The following CADPS2 variants were observed in gnomAD, a reference collection of about 807,000 sequenced individuals.
CADPS2 encodes calcium-dependent secretion activator 2.
A neutral mutation model predicts 172.5 loss-of-function variants in CADPS2; 93 were observed. The ratio of observed to expected loss-of-function variants is 0.54; its 90% confidence interval spans 0.46 to 0.64. CADPS2 has a LOEUF of 0.64. Among genes scored for constraint, CADPS2 ranks in the 30% least tolerant of loss-of-function variants. CADPS2 has a pLI of 0.00. For synonymous variants in CADPS2, 546 were observed against 555.2 expected (o/e 0.98, Z 0.23); for missense variants, 1,420 against 1,565.9 (o/e 0.91, Z 1.57).
intron 1 of CADPS2, among the ~76,000 whole-genome samples, chr7:122,754,327 T>A (rs2093070102): frequency 6.6e-6 from 1 of 152,194 alleles, no homozygotes. Context: ...TTAACCAAAG[T>A]GTGACTCTTG....
At chr7:122,791,331 T>TAC (rs1175089130) in intron 1 of CADPS2, among the ~76,000 whole-genome samples, 4 of 152,036 alleles carry the variant, frequency 2.6e-5, no homozygotes, top group Non-Finnish European at 4.4e-5. Flanking sequence ...TTTTGAAAGA[T>TAC]ACACACACAC....
At chr7:122,333,011 C>A (rs924161354) in intron 28 of CADPS2, among the ~76,000 whole-genome samples, 2 of 152,120 alleles carry the variant, frequency 1.3e-5, no homozygotes, top group African/African-American at 4.8e-5. Context: ...TTCTTAGTGT[C>A]CTTGATGGGA....
chr7:122,841,870 C>T (rs1810625095), intron 1 of CADPS2, among the ~76,000 whole-genome samples: 1 of 152,094 alleles, frequency 6.6e-6, no homozygotes, highest in Admixed American at 6.6e-5. Context: ...CAGAATTTTC[C>T]ACTCTAAGGA....
rs539617142 is a variant in CADPS2 at position 122,543,241 on chromosome 7, T to A, written c.1475+11309A>T. Among the ~76,000 whole-genome samples the A allele has an allele frequency of 8.5e-5, 13 of 152,228 alleles. 1 individual carries two copies. In the South Asian group the frequency reaches 2.1e-3, roughly 24 times the overall value. ...AGTACACTACACTTTTTACATATGATTATGCTGTGTTTTGCCAGCTTAAAC... is the reference window on the plus strand; with the variant it reads ...AGTACACTACACTTTTTACATATGAATATGCTGTGTTTTGCCAGCTTAAAC... On this transcript the variant is annotated intron_variant, in intron 8 of 29. Coordinates refer to ENST00000449022, the MANE Select transcript of CADPS2 (RefSeq NM_017954.11).
At chr7:122,583,073 T>C (rs1379272989) in intron 6 of CADPS2, among the ~76,000 whole-genome samples, 2 of 151,600 alleles carry the variant, frequency 1.3e-5, no homozygotes, top group Admixed American at 1.3e-4. Flanking sequence ...CAAATAACAA[T>C]GAATGCGGAG....
chr7:122,746,389 C>A (rs1490006655), intron 1 of CADPS2, among the ~76,000 whole-genome samples: 1 of 152,064 alleles, frequency 6.6e-6, no homozygotes, highest in Non-Finnish European at 1.5e-5. Flanking sequence ...TAAAAAAATA[C>A]CTGCCAACCC....
intron 24 of CADPS2, among the ~76,000 whole-genome samples, chr7:122,381,823 A>G (rs1357073826): frequency 6.6e-6 from 1 of 152,182 alleles, no homozygotes; most frequent in Non-Finnish European, 1.5e-5. Flanking sequence ...TTAAAAACAA[A>G]GGAATAAAGA....
chr7:122,833,591 T>A (rs1053310779), intron 1 of CADPS2, among the ~76,000 whole-genome samples: 1 of 152,058 alleles, frequency 6.6e-6, no homozygotes, highest in Non-Finnish European at 1.5e-5. Context: ...AGATGGGGTT[T>A]CACCATGTTG....
chr7:122,351,109 T>C (rs2038495081), intron 27 of CADPS2, among the ~76,000 whole-genome samples: 1 of 151,944 alleles, frequency 6.6e-6, no homozygotes, highest in African/African-American at 2.4e-5. Context: ...TTCATGCCTG[T>C]AATCCCAGCA....
intron 7 of CADPS2, among the ~76,000 whole-genome samples, chr7:122,564,847 G>GCGCGCACACA (rs1554626210): frequency 2.1e-5 from 3 of 145,420 alleles, no homozygotes; most frequent in African/African-American, 7.5e-5. Context: ...ACACACACAT[G>GCGCGCACACA]CACACACACA....
intron 7 of CADPS2, among the ~76,000 whole-genome samples, chr7:122,557,653 G>T (rs1393844387): frequency 6.6e-6 from 1 of 152,128 alleles, no homozygotes; most frequent in African/African-American, 2.4e-5. Context: ...AAATGAAATA[G>T]GACTTTGGGC....
intron 6 of CADPS2, among the ~76,000 whole-genome samples, chr7:122,606,372 T>C (rs1265043615): frequency 1.3e-5 from 2 of 152,148 alleles, no homozygotes; most frequent in African/African-American, 2.4e-5. Context: ...ATTAAAAATA[T>C]ACATGTGCCT....
chr7:122,810,858 T>G (rs982876874), intron 1 of CADPS2, among the ~76,000 whole-genome samples: 3 of 152,138 alleles, frequency 2.0e-5, no homozygotes, highest in Admixed American at 2.0e-4. Context: ...CCTCTCAAAG[T>G]TCTGGGATTA....
chr7:122,345,916 A>AACTTTT (rs1554445655), intron 27 of CADPS2, among the ~76,000 whole-genome samples: 1 of 53,584 alleles, frequency 1.9e-5, no homozygotes, highest in East Asian at 2.7e-3. Context: ...ATCCGTAGAT[A>AACTTTT]TCTTTTTTTT....
At chr7:122,821,493 CCT>C (rs1217640157) in intron 1 of CADPS2, among the ~76,000 whole-genome samples, 2 of 152,116 alleles carry the variant, frequency 1.3e-5, no homozygotes. Context: ...CTCAACATGC[CCT>C]GAGTCAGGTA....
chr7:122,414,045 A>G, intron 19 of CADPS2, 23 bp downstream of exon 19: 1 of 1,555,638 alleles, frequency 6.4e-7, no homozygotes, highest in Non-Finnish European at 8.6e-7. Flanking sequence ...TGCTAATAAA[A>G]TAGTGGAAAT....
intron 1 of CADPS2, among the ~76,000 whole-genome samples, chr7:122,745,408 G>C (rs993665618): frequency 1.3e-5 from 2 of 151,718 alleles, no homozygotes; most frequent in Non-Finnish European, 2.9e-5. Flanking sequence ...ATTTCAACCA[G>C]CATCTTGATC....
chr7:122,710,704 A>G (rs560710514), intron 2 of CADPS2, among the ~76,000 whole-genome samples: 1 of 152,096 alleles, frequency 6.6e-6, no homozygotes, highest in South Asian at 2.1e-4. Flanking sequence ...TTACAGACCC[A>G]TTTCAATCTC....
intron 4 of CADPS2, among the ~76,000 whole-genome samples, chr7:122,623,694 G>A (rs773194130): frequency 6.6e-6 from 1 of 152,026 alleles, no homozygotes; most frequent in Non-Finnish European, 1.5e-5. Context: ...TCTTTGGTCT[G>A]GTTTTAACAC....
Sources: allele counts gnomAD v4.1 joint callset (sites outside exome capture counted in the v4.1 genomes callset), GRCh38; gene constraint gnomAD v4.1.1; transcripts MANE v1.5; gene names NCBI Gene and HGNC (gene_info 2026-07-23, HGNC 2026-07-21).